The following BICRA variants were observed in gnomAD, a reference collection of about 807,000 sequenced individuals.
BICRA encodes BRD4-interacting chromatin-remodeling complex-associated protein.
In BICRA, 31 loss-of-function variants were observed where a neutral mutation model predicts 96.9. The observed-to-expected ratio is 0.32, with a 90% CI of 0.24 to 0.43. The LOEUF is 0.43. BICRA is among the 20% of genes least tolerant of loss of function. The pLI, the probability that BICRA is intolerant of heterozygous loss-of-function variation, is 1.00. For missense variants in BICRA, 2,283 were observed against 2,190.3 expected, an observed-to-expected ratio of 1.04 and a Z score of -0.84; for synonymous variants, 1,350 against 1,071.8, an observed-to-expected ratio of 1.26 and a Z score of -5.07.
chr19:47,683,968 C>T (rs1488104773), intron 7 of BICRA, among the ~76,000 whole-genome samples: 5 of 152,100 alleles, frequency 3.3e-5, no homozygotes, highest in African/African-American at 1.2e-4. Flanking sequence ...GTGACAGTGA[C>T]AAGGGCAGGA....
At chr19:47,651,206 G>A (rs1013279649) in intron 1 of BICRA, among the ~76,000 whole-genome samples, 5 of 152,038 alleles carry the variant, frequency 3.3e-5, no homozygotes, top group East Asian at 3.9e-4. Context: ...TGCCCTGTCC[G>A]GAGCCCTCCC....
intron 7 of BICRA, among the ~76,000 whole-genome samples, chr19:47,686,899 G>A (rs777963412): frequency 7.2e-5 from 11 of 152,172 alleles, no homozygotes; most frequent in Non-Finnish European, 1.2e-4. Context: ...GTTGTACCAC[G>A]GTGTCCTTGC....
intron 1 of BICRA, among the ~76,000 whole-genome samples, chr19:47,649,598 T>C (rs1972513184): frequency 6.6e-6 from 1 of 152,138 alleles, no homozygotes; most frequent in Non-Finnish European, 1.5e-5. Context: ...TAGTAGAAAT[T>C]GATATCCTAC....
rs886417597 is a variant in BICRA, at chr19:47,675,766, T to G, written c.85-85T>G. 3 of 1,014,178 alleles carry G rather than the reference T, an allele frequency of 3.0e-6. No individual in the cohort carries two copies. The African/African-American group carries it at 4.8e-5, about 16-fold the overall frequency. The allele number at this position is 1,014,178 out of a possible 1,614,324, so 62.8% of individuals were successfully genotyped here. ...CATCCCAACCCTTGTCTTTTTGTCC[T>G]GAGTGACCCTAAATTGGTTTCTGCT... is the stretch of plus-strand genomic sequence containing the variant. On this transcript the variant is annotated intron_variant, in intron 4 of 14. Transcript: ENST00000594866. The surrounding 1 kb of genome is among the most constrained non-coding windows in gnomAD (Gnocchi z 4.7).
In BICRA at chr19:47,673,594, G is replaced by A. The variant is rs969495215; in HGVS notation, c.20G>A (p.Arg7Lys). Residue 7 changes from arginine to lysine, a missense_variant, in exon 3 of 15, where the codon AGA becomes AAA. Transcript: ENST00000594866. The stretch of plus-strand genomic sequence containing the variant: ...GTGGCGATGGATGATGAGGATGGGA[G>A]ATGCTTACTAGACGTGATTTGGTGA... MDDEDG[R>K]CLLDVICDPQ... 3.7e-6 allele frequency: 6 copies of A among 1,612,882 alleles called. No individual in the cohort carries two copies. The highest frequency in any genetic ancestry group is 4.2e-6 in the Non-Finnish European group (5 of 1,178,972).
chr19:47,651,386 C>G (rs1268885811), intron 1 of BICRA, among the ~76,000 whole-genome samples: 2 of 152,136 alleles, frequency 1.3e-5, no homozygotes, highest in Non-Finnish European at 2.9e-5. Context: ...CTCCTTCTGC[C>G]TGGAGCCCGC....
In BICRA at chr19:47,702,386, G is replaced by C; in HGVS notation, c.4654G>C (p.Gly1552Arg). Residue 1552 changes from glycine to arginine, a missense_variant, in exon 15 of 15, where the codon GGC becomes CGC. Physicochemically the swap from Gly to Arg is moderately radical, Grantham distance 125 (BLOSUM62 -2). Transcript: ENST00000594866. Reference protein sequence around the residue: ...EAYPPSSHNGGLGARTLTR With the variant: ...EAYPPSSHNGRLGARTLTR ...CTACCCACCCTCCAGTCACAACGGTGGCCTCGGCGCCAGGACGTTGACCAG... is the reference window on the plus strand; with the variant it reads ...CTACCCACCCTCCAGTCACAACGGTCGCCTCGGCGCCAGGACGTTGACCAG... The C allele has an allele frequency of 6.6e-7, 1 of 1,517,672 alleles. No individual in the cohort carries two copies. The highest frequency in any genetic ancestry group is 2.6e-5 in the East Asian group (1 of 38,516). 94.0% of individuals were successfully genotyped at this position (1,517,672 alleles called of 1,614,324 possible). A position where few individuals can be genotyped will look rare whatever the true frequency, so the allele number is the denominator to read the frequency against.
Position 47,701,842 on chromosome 19 carries a change from C to T in BICRA, c.4110C>T (p.Ala1370=). ...CGGTGGACCACCCGCCGCCTGCCGC[C>T]CCCGAGCGCAAGCCCCTGGGCACCG... ...NGTVDHPPPA[A]PERKPLGTAP... is the part of the protein sequence containing the mutation. The change falls in exon 15 of 15, where the codon GCC becomes GCT. Residue 1370 remains alanine, a synonymous_variant. Coordinates refer to ENST00000594866, the MANE Select transcript of BICRA (RefSeq NM_001394372.1). The surrounding 1 kb of genome is among the most constrained non-coding windows in gnomAD (Gnocchi z 5.4). 2.0e-6 allele frequency: 3 copies of T among 1,518,808 alleles called. No homozygotes were observed. Among genetic ancestry groups the T allele is most frequent in the African/African-American group, 1.4e-5 (1 of 71,270 alleles). The allele number at this position is 1,518,808 out of a possible 1,614,324, so 94.1% of individuals were successfully genotyped here.
In BICRA at chr19:47,694,249, G is replaced by A. The variant is rs1177495364; in HGVS notation, c.2418G>A (p.Arg806=). 4 of 357,718 alleles carry A rather than the reference G, an allele frequency of 1.1e-5. No individual in the cohort carries two copies. In the African/African-American group the frequency reaches 3.0e-4, roughly 27 times the overall value. The allele number at this position is 357,718 out of a possible 1,614,324, so 22.2% of individuals were successfully genotyped here. A position where few individuals can be genotyped will look rare whatever the true frequency, so the allele number is the denominator to read the frequency against. The change falls in exon 8 of 15, where the codon CGG becomes CGA. Residue 806 remains arginine, a synonymous_variant. Coordinates refer to ENST00000594866, the MANE Select transcript of BICRA (RefSeq NM_001394372.1). ...GGCCCCCTTCCCGCCCACCCTCCCG[G>A]CCACAGAGTGTGTCCCGCCCTCCCT... is the stretch of plus-strand genomic sequence containing the variant. ...PTRPPSRPPS[R]PQSVSRPPSE...
Position 47,698,852 on chromosome 19 carries a change from GT to G in BICRA, c.3397+71del, listed in dbSNP as rs1973391676. 5.6e-6 allele frequency: 8 copies of G among 1,416,738 alleles called. No homozygotes were observed. Among genetic ancestry groups the G allele is most frequent in the Non-Finnish European group, 7.8e-6 (8 of 1,025,344 alleles). 87.8% of individuals were successfully genotyped at this position (1,416,738 alleles called of 1,614,324 possible). On this transcript the variant is annotated intron_variant, in intron 12 of 14. Coordinates refer to ENST00000594866, the MANE Select transcript of BICRA (RefSeq NM_001394372.1). The surrounding 1 kb of genome is among the most constrained non-coding windows in gnomAD (Gnocchi z 4.8). ...CAGCCCGTGGGGCGGGGCGTCGCCA[GT>G]GTGGAGCCGCAGGTCCACGGTGCGC...
chr19:47,691,852 C>T (rs2914432), intron 7 of BICRA, among the ~76,000 whole-genome samples: 66,878 of 151,970 alleles, frequency 0.44, 15,309 homozygotes, highest in East Asian at 0.66. Context: ...TGAGCCACCG[C>T]GGCCAGCCTA....
chr19:47,693,315 C>T (rs989565196), intron 7 of BICRA, among the ~76,000 whole-genome samples: 2 of 152,216 alleles, frequency 1.3e-5, no homozygotes, highest in African/African-American at 4.8e-5. Context: ...CACCAGATCG[C>T]GTGTGCTTGC....
At chr19:47,633,080 C>CTTT (rs34761702) in intron 1 of BICRA, among the ~76,000 whole-genome samples, 69 of 93,218 alleles carry the variant, frequency 7.4e-4, no homozygotes, top group Admixed American at 1.2e-3. Flanking sequence ...GATTTTATTT[C>CTTT]TTTTTTTTTT....
chr19:47,649,147 G>A (rs562839551), intron 1 of BICRA, among the ~76,000 whole-genome samples: 6 of 151,790 alleles, frequency 4.0e-5, no homozygotes, highest in African/African-American at 9.7e-5. Context: ...CACTGCACCC[G>A]GCCTAATTTT....
Position 47,680,980 on chromosome 19 carries a change from C to T in BICRA, c.1810C>T (p.Gln604Ter). 2 of 1,467,576 alleles carry T rather than the reference C, an allele frequency of 1.4e-6. No individual in the cohort carries two copies. The highest frequency in any genetic ancestry group is 8.9e-7 in the Non-Finnish European group (1 of 1,118,914). 90.9% of individuals were successfully genotyped at this position (1,467,576 alleles called of 1,614,324 possible). A position where few individuals can be genotyped will look rare whatever the true frequency, so the allele number is the denominator to read the frequency against. Residue 604 changes from glutamine to a stop codon, truncating the protein, a stop_gained, in exon 6 of 15, where the codon CAG (glutamine) becomes TAG (stop). Coordinates refer to ENST00000594866, the MANE Select transcript of BICRA (RefSeq NM_001394372.1). LOFTEE classifies it high-confidence loss of function. ...GCTCAACACCCCCGACGGCCTGGTGCAGCCGGCCACCCCTGCCGCTGCCAC... is the reference window on the plus strand; with the variant it reads ...GCTCAACACCCCCGACGGCCTGGTGTAGCCGGCCACCCCTGCCGCTGCCAC... ...AMLNTPDGLV[Q>*]PATPAAATGE...
At chr19:47,652,977 C>T (rs1005997510) in intron 1 of BICRA, among the ~76,000 whole-genome samples, 3 of 149,520 alleles carry the variant, frequency 2.0e-5, no homozygotes, top group South Asian at 2.1e-4. Context: ...GTAGTCTGGG[C>T]GATCTTTCCC....
chr19:47,635,057 T>C (rs922779172), intron 1 of BICRA, among the ~76,000 whole-genome samples: 3 of 152,122 alleles, frequency 2.0e-5, no homozygotes, highest in African/African-American at 4.8e-5. Context: ...CCACCGCTCC[T>C]GGCCACATAC....
chr19:47,656,170 G>A (rs1972615993), intron 1 of BICRA, among the ~76,000 whole-genome samples: 1 of 151,312 alleles, frequency 6.6e-6, no homozygotes, highest in Non-Finnish European at 1.5e-5. Context: ...ACCTAAGGAG[G>A]ACCACATGAG....
chr19:47,694,795 C>T (rs1394180375), intron 8 of BICRA, 69 bp downstream of exon 8: 3 of 1,092,920 alleles, frequency 2.7e-6, no homozygotes, highest in South Asian at 1.5e-5. Context: ...CTGATGGGAG[C>T]CCCTCCGCCT....
Sources: gnomAD v4.1 joint callset for allele counts (sites outside exome capture counted in the v4.1 genomes callset) on GRCh38, gnomAD v4.1.1 for gene constraint, Gnocchi (gnomAD v3.1) non-coding constraint, MANE v1.5 for transcripts, NCBI Gene and HGNC (gene_info 2026-07-23, HGNC 2026-07-21) for gene names.